The following TCF7L2 variants were observed in gnomAD, a reference collection of about 807,000 sequenced individuals.
The protein encoded by TCF7L2 is transcription factor 7 like 2.
A neutral mutation model predicts 77.9 loss-of-function variants in TCF7L2; 23 were observed. The observed-to-expected ratio is 0.30, with a 90% confidence interval of 0.21 to 0.42. The LOEUF is 0.42. Ranked by LOEUF, TCF7L2 falls within the 10% of genes least tolerant of loss-of-function variation. TCF7L2 has a pLI of 1.00. For synonymous variants in TCF7L2, 413 were observed against 340.2 expected (o/e 1.21, Z -2.36); for missense variants, 654 against 793.1 (o/e 0.82, Z 2.11).
intron 4 of TCF7L2, among the ~76,000 whole-genome samples, chr10:113,012,326 C>T (rs1221006295): frequency 6.6e-6 from 1 of 152,136 alleles, no homozygotes; most frequent in Admixed American, 6.5e-5. Flanking sequence ...AGACTGACTG[C>T]TCCGTTTATG....
At chr10:112,958,361 C>T (rs2034222875) in intron 3 of TCF7L2, among the ~76,000 whole-genome samples, 2 of 152,104 alleles carry the variant, frequency 1.3e-5, no homozygotes, top group African/African-American at 4.8e-5. Context: ...CAGGGCACAG[C>T]ACATTTACAG....
At chr10:113,098,327 T>G (rs2061280408) in intron 5 of TCF7L2, among the ~76,000 whole-genome samples, 1 of 151,766 alleles carries the variant, frequency 6.6e-6, no homozygotes, top group South Asian at 2.1e-4. Flanking sequence ...CAGCTGTTTT[T>G]CAAATCTACA....
chr10:113,033,161 T>A (rs1590770475), intron 4 of TCF7L2, among the ~76,000 whole-genome samples: 2 of 152,072 alleles, frequency 1.3e-5, no homozygotes, highest in Non-Finnish European at 2.9e-5. Context: ...TCTTTTCTTT[T>A]TTTCTTTTCC....
chr10:113,056,396 G>A (rs2055386023), intron 5 of TCF7L2, among the ~76,000 whole-genome samples: 1 of 152,178 alleles, frequency 6.6e-6, no homozygotes, highest in Non-Finnish European at 1.5e-5. Flanking sequence ...GGCAGTGAGG[G>A]TAGAGGACAG....
At chr10:113,013,119 T>G (rs2046742286) in intron 4 of TCF7L2, among the ~76,000 whole-genome samples, 2 of 149,416 alleles carry the variant, frequency 1.3e-5, no homozygotes, top group African/African-American at 4.9e-5. Context: ...AAGTGGTTTT[T>G]TTTTTTTTTT....
intron 4 of TCF7L2, among the ~76,000 whole-genome samples, chr10:113,027,783 C>G (rs151088796): frequency 2.6e-5 from 4 of 152,112 alleles, no homozygotes; most frequent in African/African-American, 7.2e-5. Flanking sequence ...TCTCTCCCCC[C>G]CTCACCCTAT....
chr10:113,049,294 C>T (rs1206901516), intron 5 of TCF7L2, among the ~76,000 whole-genome samples: 1 of 152,042 alleles, frequency 6.6e-6, no homozygotes, highest in Admixed American at 6.6e-5. Flanking sequence ...AGTGCACTCT[C>T]TCCCCAGCTC....
chr10:113,153,454 G>GGTTACTTTTCCA (rs1173415645), intron 11 of TCF7L2, among the ~76,000 whole-genome samples: 1 of 152,218 alleles, frequency 6.6e-6, no homozygotes, highest in Non-Finnish European at 1.5e-5. Context: ...AGCCATGGAT[G>GGTTACTTTTCCA]GTTACTTTTC....
chr10:113,035,967 C>T (rs1178157453), intron 4 of TCF7L2, among the ~76,000 whole-genome samples: 2 of 152,062 alleles, frequency 1.3e-5, no homozygotes, highest in Admixed American at 1.3e-4. Flanking sequence ...CTGCCCTGAA[C>T]AAATAAAGGG....
chr10:113,111,371 A>C (rs2063108466), intron 5 of TCF7L2, among the ~76,000 whole-genome samples: 1 of 152,216 alleles, frequency 6.6e-6, no homozygotes, highest in East Asian at 1.9e-4. Context: ...TGAAATAGGC[A>C]CTGAATCAGT....
intron 4 of TCF7L2, among the ~76,000 whole-genome samples, chr10:113,035,532 G>A (rs923864957): frequency 6.6e-6 from 1 of 152,180 alleles, no homozygotes; most frequent in African/African-American, 2.4e-5. Flanking sequence ...GGCTCCTGCA[G>A]CGTGAAACTC....
chr10:113,001,046 G>A (rs150538075), intron 4 of TCF7L2, among the ~76,000 whole-genome samples: 1 of 152,200 alleles, frequency 6.6e-6, no homozygotes, highest in African/African-American at 2.4e-5. Flanking sequence ...GCTCCGGAGG[G>A]CAGGCCTGGA....
At chr10:113,010,386 C>T (rs2046256730) in intron 4 of TCF7L2, among the ~76,000 whole-genome samples, 1 of 152,098 alleles carries the variant, frequency 6.6e-6, no homozygotes, top group Non-Finnish European at 1.5e-5. Context: ...TTGGGAGGAG[C>T]CAGGCATCAG....
chr10:113,159,152 T>G (rs1158090190), intron 12 of TCF7L2, among the ~76,000 whole-genome samples: 1 of 146,416 alleles, frequency 6.8e-6, no homozygotes, highest in Admixed American at 7.1e-5. Flanking sequence ...TTTGCTTTTT[T>G]TTATTTTAGT....
chr10:112,958,976 A>T (rs2034393471), intron 3 of TCF7L2, among the ~76,000 whole-genome samples: 1 of 152,230 alleles, frequency 6.6e-6, no homozygotes, highest in Non-Finnish European at 1.5e-5. Context: ...AACATGTCTC[A>T]GCACTTCAGC....
At chr10:113,015,770 T>G (rs968473668) in intron 4 of TCF7L2, among the ~76,000 whole-genome samples, 12 of 152,244 alleles carry the variant, frequency 7.9e-5, no homozygotes, top group Admixed American at 5.9e-4. Context: ...ATGACAGGCG[T>G]GAGCCACTGT....
chr10:112,966,187 TATATATATA>T (rs1564721958), intron 4 of TCF7L2, among the ~76,000 whole-genome samples: 2 of 20,468 alleles, frequency 9.8e-5, no homozygotes, highest in African/African-American at 1.9e-4. Context: ...AATATATTTA[TATATATATA>T]TATATATATA....
intron 5 of TCF7L2, among the ~76,000 whole-genome samples, chr10:113,075,933 C>A (rs934915495): frequency 6.6e-6 from 1 of 151,774 alleles, no homozygotes; most frequent in African/African-American, 2.4e-5. Context: ...GTCAGGAGTT[C>A]GAGACACACC....
intron 4 of TCF7L2, among the ~76,000 whole-genome samples, chr10:113,011,233 A>G (rs1277468597): frequency 2.0e-5 from 3 of 152,208 alleles, no homozygotes; most frequent in African/African-American, 7.2e-5. Flanking sequence ...CACAGAGCTT[A>G]GGAAAGGGCA....
Sources: gnomAD v4.1 joint callset for allele counts (sites outside exome capture counted in the v4.1 genomes callset) on GRCh38, gnomAD v4.1.1 for gene constraint, MANE v1.5 for transcripts, NCBI Gene and HGNC (gene_info 2026-07-23, HGNC 2026-07-21) for gene names.